Variants in BICC1 observed in about 807,000 individuals in gnomAD.
BICC1 encodes the protein protein bicaudal C homolog 1.
BICC1 carries 43 observed loss-of-function variants against 111.0 expected under a neutral mutation model. The observed-to-expected ratio is 0.39, with a 90% CI of 0.30 to 0.50. The LOEUF is 0.50. Ranked by LOEUF, BICC1 falls within the 20% of genes least tolerant of loss-of-function variation. BICC1 has a pLI of 0.88. For missense variants in BICC1, 1,091 were observed against 1,203.2 expected (o/e 0.91, Z 1.38); for synonymous variants, 467 against 434.4 (o/e 1.07, Z -0.93).
At chr10:58,624,246 C>G (rs544630292) in intron 2 of BICC1, among the ~76,000 whole-genome samples, 1 of 152,340 alleles carries the variant, frequency 6.6e-6, no homozygotes, top group Non-Finnish European at 1.5e-5. Flanking sequence ...GCAGCCCACC[C>G]TACTCTGGTG....
chr10:58,527,924 C>G (rs961050489), intron 1 of BICC1, among the ~76,000 whole-genome samples: 2 of 151,894 alleles, frequency 1.3e-5, no homozygotes, highest in African/African-American at 4.8e-5. Context: ...CAGTTTCTCC[C>G]TTTACAAAAC....
chr10:58,803,360 C>A, intron 15 of BICC1, 118 bp downstream of exon 15: 3 of 845,954 alleles, frequency 3.5e-6, no homozygotes, highest in East Asian at 3.1e-5. Context: ...GTGCTACATT[C>A]AAAATGAAAT....
intron 9 of BICC1, 67 bp from the exon 10 acceptor site, chr10:58,796,273 T>G: frequency 7.4e-7 from 1 of 1,347,678 alleles, no homozygotes; most frequent in South Asian, 1.3e-5. Flanking sequence ...TCCACCTCCC[T>G]CCCCTCCCCC....
chr10:58,586,229 T>G (rs550439606), intron 1 of BICC1, among the ~76,000 whole-genome samples: 1 of 152,190 alleles, frequency 6.6e-6, no homozygotes, highest in Non-Finnish European at 1.5e-5. Context: ...CCATCCAGTA[T>G]TATTATTATA....
At chr10:58,520,394 A>G (rs1470418226) in intron 1 of BICC1, among the ~76,000 whole-genome samples, 4 of 152,170 alleles carry the variant, frequency 2.6e-5, no homozygotes, top group Non-Finnish European at 5.9e-5. Flanking sequence ...CATCTAGGGC[A>G]GTCTCCAGAG....
chr10:58,632,708 C>G (rs1398842471), intron 2 of BICC1, among the ~76,000 whole-genome samples: 1 of 152,116 alleles, frequency 6.6e-6, no homozygotes, highest in Non-Finnish European at 1.5e-5. Flanking sequence ...ACTCCATGAC[C>G]TGAATGTCCT....
rs372711421 is a variant in BICC1, at chr10:58,513,347, G to A, written c.190+14G>A. On this transcript the variant is annotated intron_variant, in intron 1 of 20. Transcript: ENST00000373886. ...CCATGTTACAAGGTAGGCATCCCTC[G>A]TGTTCTCGGACTCTCCGACTGAGCC... 2.5e-6 allele frequency: 4 copies of A among 1,590,302 alleles called. No individual in the cohort carries two copies. Among genetic ancestry groups the A allele is most frequent in the East Asian group, 2.3e-5 (1 of 43,270 alleles).
At chr10:58,658,830 C>A (rs1313829387) in intron 2 of BICC1, among the ~76,000 whole-genome samples, 1 of 152,022 alleles carries the variant, frequency 6.6e-6, no homozygotes, top group African/African-American at 2.4e-5. Flanking sequence ...CAGGTTTTTT[C>A]TTGTACTTTC....
chr10:58,606,624 A>G (rs1845224190), intron 1 of BICC1, among the ~76,000 whole-genome samples: 1 of 152,140 alleles, frequency 6.6e-6, no homozygotes, highest in Admixed American at 6.5e-5. Context: ...CTTGTCATAT[A>G]CCATCTCATG....
intron 2 of BICC1, among the ~76,000 whole-genome samples, chr10:58,624,069 G>A (rs149947472): frequency 6.6e-6 from 1 of 152,182 alleles, no homozygotes; most frequent in Non-Finnish European, 1.5e-5. Context: ...CTGTGGGAGG[G>A]AGAATCTGTT....
At position 58,747,056 on chromosome 10, in the gene BICC1, G is replaced by A. The variant is rs181937532; in HGVS notation, c.308-37945G>A. Among the ~76,000 whole-genome samples, 196 of 152,176 alleles carry A rather than the reference G, an allele frequency of 1.3e-3. 2 individuals carry two copies. Among genetic ancestry groups the A allele is most frequent in the African/African-American group, 4.5e-3 (185 of 41,544 alleles). ...GCTCATGTCAGCTGCTGAGGTTCAC[G>A]GGACCACACAGAGTGGTTGGTCAGC... On this transcript the variant is annotated intron_variant, in intron 3 of 20. Coordinates refer to ENST00000373886, the MANE Select transcript of BICC1 (RefSeq NM_001080512.3).
At chr10:58,741,965 T>C (rs982199937) in intron 3 of BICC1, among the ~76,000 whole-genome samples, 3 of 152,188 alleles carry the variant, frequency 2.0e-5, no homozygotes, top group Non-Finnish European at 4.4e-5. Context: ...CTTGGACTTG[T>C]TGGATTTAAG....
chr10:58,703,651 T>C (rs2132456348), intron 3 of BICC1, among the ~76,000 whole-genome samples: 1 of 152,342 alleles, frequency 6.6e-6, no homozygotes, highest in Non-Finnish European at 1.5e-5. Flanking sequence ...GAATGTTTTG[T>C]ACTCATTATG....
At position 58,576,715 on chromosome 10, in the gene BICC1, C is replaced by T. The variant is rs1474297996; in HGVS notation, c.191-44140C>T. Among the ~76,000 whole-genome samples the T allele has an allele frequency of 2.6e-5, 4 of 152,186 alleles. No individual in the cohort carries two copies. The East Asian group carries it at 7.7e-4, about 29-fold the overall frequency. The stretch of plus-strand genomic sequence containing the variant: ...TACAAAATATACTGTTTAAAAGGAT[C>T]AATACTGTTACAAAAAAACCGCACT... On this transcript the variant is annotated intron_variant, in intron 1 of 20. Coordinates refer to ENST00000373886, the MANE Select transcript of BICC1 (RefSeq NM_001080512.3).
In BICC1 at chr10:58,755,773, T is replaced by C. The variant is rs1213975112; in HGVS notation, c.308-29228T>C. Among the ~76,000 whole-genome samples the C allele has an allele frequency of 9.2e-5, 14 of 152,168 alleles. No individual in the cohort carries two copies. In the East Asian group the frequency reaches 2.3e-3, roughly 25 times the overall value. On this transcript the variant is annotated intron_variant, in intron 3 of 20. Coordinates refer to ENST00000373886, the MANE Select transcript of BICC1 (RefSeq NM_001080512.3). The stretch of plus-strand genomic sequence containing the variant: ...TTTGGGAAACTATTTCCAGCAGCGG[T>C]TGAGTCTGGATTTGATTCCACAGAG...
At chr10:58,620,618 G>A (rs1353024550) in intron 1 of BICC1, among the ~76,000 whole-genome samples, 1 of 152,170 alleles carries the variant, frequency 6.6e-6, no homozygotes, top group Non-Finnish European at 1.5e-5. Context: ...GCAGGGGTTT[G>A]TGAGTCTTTC....
intron 1 of BICC1, among the ~76,000 whole-genome samples, chr10:58,522,316 C>T (rs1210882187): frequency 6.6e-6 from 1 of 151,914 alleles, no homozygotes; most frequent in Non-Finnish European, 1.5e-5. Flanking sequence ...CAATACACTC[C>T]TTAGCAAATG....
At position 58,636,596 on chromosome 10, in the gene BICC1, CCTCCTT is replaced by C. The variant is rs573860310; in HGVS notation, c.237+15700_237+15705del. On this transcript the variant is annotated intron_variant, in intron 2 of 20. Transcript: ENST00000373886. ...CACATCATTGTCTCCTCCTCCTCCTCCTCCTTCTCCCTTTTTTCCTTCCCCAATTCA... is the reference window on the plus strand; with the variant it reads ...CACATCATTGTCTCCTCCTCCTCCTCCTCCCTTTTTTCCTTCCCCAATTCA... Among the ~76,000 whole-genome samples, 363 of 152,052 alleles carry C rather than the reference CCTCCTT, an allele frequency of 2.4e-3. 2 individuals are homozygous for C. Among genetic ancestry groups the C allele is most frequent in the African/African-American group, 8.1e-3 (336 of 41,428 alleles).
At chr10:58,570,795 T>C (rs1423462041) in intron 1 of BICC1, among the ~76,000 whole-genome samples, 3 of 152,160 alleles carry the variant, frequency 2.0e-5, no homozygotes, top group Non-Finnish European at 4.4e-5. Flanking sequence ...CCTGAACCCG[T>C]ATAACCTGGA....
Sources: gnomAD v4.1 joint callset for allele counts (sites outside exome capture counted in the v4.1 genomes callset) on GRCh38, gnomAD v4.1.1 for gene constraint, MANE v1.5 for transcripts, NCBI Gene and HGNC (gene_info 2026-07-23, HGNC 2026-07-21) for gene names.